Variants in COL25A1 observed in about 807,000 individuals in gnomAD.
The protein encoded by COL25A1 is collagen alpha-1(XXV) chain.
In COL25A1, 103 loss-of-function variants were observed where a neutral mutation model predicts 128.4. The ratio of observed to expected loss-of-function variants is 0.80; its 90% CI spans 0.68 to 0.94. COL25A1 has a LOEUF of 0.94. Ranked by LOEUF, COL25A1 falls within the 40% of genes least tolerant of loss-of-function variation. The pLI is 0.00. For synonymous variants in COL25A1, 279 were observed against 277.2 expected, an observed-to-expected ratio of 1.01 and a Z score of -0.06; for missense variants, 745 against 840.0, an observed-to-expected ratio of 0.89 and a Z score of 1.40.
intron 3 of COL25A1, among the ~76,000 whole-genome samples, chr4:109,110,952 A>G (rs1195064646): frequency 6.6e-6 from 1 of 152,166 alleles, no homozygotes; most frequent in Non-Finnish European, 1.5e-5. Flanking sequence ...ATTTTCCTCC[A>G]AAGAAGTTCC....
chr4:109,097,319 A>T lies in COL25A1; in HGVS notation c.368-47140T>A, dbSNP rs72885173. Reference sequence around the variant, plus strand: ...GAGCCATGTTAATTAAAATTATGTTATCTGGCCGAGTATGGTGGCCTGTGC... The same window carrying T: ...GAGCCATGTTAATTAAAATTATGTTTTCTGGCCGAGTATGGTGGCCTGTGC... On this transcript the variant is annotated intron_variant, in intron 3 of 37. Transcript: ENST00000399132. Among the ~76,000 whole-genome samples, 524 of 151,922 alleles carry T rather than the reference A, an allele frequency of 3.4e-3. 3 individuals carry two copies. Among genetic ancestry groups the T allele is most frequent in the African/African-American group, 0.012 (501 of 41,416 alleles).
chr4:109,015,931 T>G (rs1757166566), intron 5 of COL25A1, among the ~76,000 whole-genome samples: 1 of 152,230 alleles, frequency 6.6e-6, no homozygotes, highest in Non-Finnish European at 1.5e-5. Context: ...AGATGCTGGC[T>G]GCAGCAGAGG....
intron 8 of COL25A1, among the ~76,000 whole-genome samples, chr4:108,961,785 T>C (rs1750741598): frequency 6.6e-6 from 1 of 152,182 alleles, no homozygotes; most frequent in Admixed American, 6.6e-5. Flanking sequence ...AAGGTCAAGA[T>C]TTTGGCAAGA....
chr4:109,154,377 G>A (rs1435556067), intron 3 of COL25A1, among the ~76,000 whole-genome samples: 2 of 152,174 alleles, frequency 1.3e-5, no homozygotes. Context: ...GTCATTTCTT[G>A]AAGTCCTCTG....
In COL25A1 at chr4:108,836,513, A is replaced by G. The variant is rs559735061; in HGVS notation, c.1657-4080T>C. Among the ~76,000 whole-genome samples, 4 of 152,144 alleles carry G rather than the reference A, an allele frequency of 2.6e-5. No individual in the cohort carries two copies. In the South Asian group the frequency reaches 8.3e-4, roughly 32 times the overall value. ...TGAGTTAGAGATCAGCGTGGGAAAC[A>G]TGGCGAGACCCAATCTCTATAAAAT... On this transcript the variant is annotated intron_variant, in intron 31 of 37. Coordinates refer to ENST00000399132, the MANE Select transcript of COL25A1 (RefSeq NM_198721.4).
At chr4:109,187,169 G>A (rs1045777135) in intron 3 of COL25A1, among the ~76,000 whole-genome samples, 2 of 150,690 alleles carry the variant, frequency 1.3e-5, no homozygotes, top group South Asian at 2.1e-4. Context: ...ACACAGAGTC[G>A]TGTTTTGTGT....
chr4:109,000,770 A>C (rs1579041190), intron 6 of COL25A1, among the ~76,000 whole-genome samples: 2 of 26,678 alleles, frequency 7.5e-5, no homozygotes, highest in African/African-American at 8.3e-5. Flanking sequence ...AAAAAAAAAG[A>C]AAAAACTATA....
intron 3 of COL25A1, among the ~76,000 whole-genome samples, chr4:109,092,345 G>A (rs1236673385): frequency 1.3e-5 from 2 of 152,128 alleles, no homozygotes; most frequent in East Asian, 3.9e-4. Flanking sequence ...GCTGGGTGTG[G>A]TGGTGCGCAG....
Position 108,901,111 on chromosome 4 carries a change from G to A in COL25A1, c.834+8C>T. 6.2e-7 allele frequency: 1 copy of A among 1,606,382 alleles called. No homozygotes were observed. The highest frequency in any genetic ancestry group is 8.5e-7 in the Non-Finnish European group (1 of 1,173,584). ...CAAATGATTCTGCTTGGCTTTATTT[G>A]TACTAACCTTAGGTCCTGGTATTCC... On this transcript the variant is annotated splice_region_variant and intron_variant, in intron 14 of 37. Transcript: ENST00000399132.
At chr4:109,250,157 G>C (rs1780550600) in intron 3 of COL25A1, among the ~76,000 whole-genome samples, 1 of 151,968 alleles carries the variant, frequency 6.6e-6, no homozygotes, top group South Asian at 2.1e-4. Flanking sequence ...AACTTTCCAG[G>C]TCTGTTCACT....
chr4:108,896,656 C>T lies in COL25A1; in HGVS notation c.906+11G>A, dbSNP rs773081056. 1.5e-5 allele frequency: 24 copies of T among 1,613,242 alleles called. No individual in the cohort carries two copies. The highest frequency in any genetic ancestry group is 2.0e-5 in the Non-Finnish European group (24 of 1,179,414). ...CACATATGTACCCTTTCATGTCTTA[C>T]AAAACTGTACCTTTTCGCCTGTGTC... On this transcript the variant is annotated intron_variant, in intron 16 of 37. Transcript: ENST00000399132.
chr4:109,209,064 C>T lies in COL25A1; in HGVS notation c.367+91519G>A, dbSNP rs565787444. Among the ~76,000 whole-genome samples, 9 of 152,240 alleles carry T rather than the reference C, an allele frequency of 5.9e-5. No homozygotes were observed. In the South Asian group the frequency reaches 1.9e-3, roughly 32 times the overall value. ...CAAAGAATGTTATGTAGGGGCATTG[C>T]TTTTGCAGGTCCTCTTCCACTAGAT... is the stretch of plus-strand genomic sequence containing the variant. On this transcript the variant is annotated intron_variant, in intron 3 of 37. Transcript: ENST00000399132.
Position 109,072,769 on chromosome 4 carries a change from A to G in COL25A1, c.368-22590T>C, listed in dbSNP as rs139880106. Among the ~76,000 whole-genome samples the G allele has an allele frequency of 2.3e-3, 356 of 152,256 alleles. 1 individual carries two copies. Among genetic ancestry groups the G allele is most frequent in the African/African-American group, 7.8e-3 (323 of 41,534 alleles). On this transcript the variant is annotated intron_variant, in intron 3 of 37. Coordinates refer to ENST00000399132, the MANE Select transcript of COL25A1 (RefSeq NM_198721.4). ...TCCACTCTCACCAAGATGTCTTATTACTCAATCATAAATTTCGCAATCAGC... is the reference window on the plus strand; with the variant it reads ...TCCACTCTCACCAAGATGTCTTATTGCTCAATCATAAATTTCGCAATCAGC...
chr4:109,119,478 T>C (rs1202514733), intron 3 of COL25A1, among the ~76,000 whole-genome samples: 1 of 151,952 alleles, frequency 6.6e-6, no homozygotes, highest in Non-Finnish European at 1.5e-5. Flanking sequence ...ATAAAGGATA[T>C]GAGAGTAGGA....
intron 3 of COL25A1, among the ~76,000 whole-genome samples, chr4:109,257,983 C>T (rs1781185582): frequency 2.0e-5 from 3 of 152,178 alleles, no homozygotes; most frequent in Non-Finnish European, 4.4e-5. Flanking sequence ...CACTGACCAC[C>T]TGTTAGTGAT....
intron 3 of COL25A1, among the ~76,000 whole-genome samples, chr4:109,211,223 T>A (rs1038292019): frequency 3.6e-4 from 18 of 49,350 alleles, no homozygotes; most frequent in Admixed American, 6.4e-4. Context: ...ATATATATAT[T>A]GTGTGTGTGT....
chr4:109,277,771 C>T (rs979090106), intron 3 of COL25A1, among the ~76,000 whole-genome samples: 1 of 152,132 alleles, frequency 6.6e-6, no homozygotes, highest in Non-Finnish European at 1.5e-5. Flanking sequence ...CCAATTAATA[C>T]ATTTTATTAT....
intron 3 of COL25A1, among the ~76,000 whole-genome samples, chr4:109,197,430 AATAT>A (rs1776165328): frequency 1.6e-5 from 2 of 125,006 alleles, no homozygotes; most frequent in Admixed American, 1.0e-4. Flanking sequence ...ATTATATATA[AATAT>A]TATATATTAT....
intron 3 of COL25A1, among the ~76,000 whole-genome samples, chr4:109,079,117 GGTGTTAAATA>G (rs1467003161): frequency 6.6e-6 from 1 of 152,136 alleles, no homozygotes; most frequent in Non-Finnish European, 1.5e-5. Flanking sequence ...GTGAAAGAAT[GGTGTTAAATA>G]AGACAGATCA....
Sources: allele counts gnomAD v4.1 joint callset (sites outside exome capture counted in the v4.1 genomes callset), GRCh38; gene constraint gnomAD v4.1.1; transcripts MANE v1.5; gene names NCBI Gene and HGNC (gene_info 2026-07-23, HGNC 2026-07-21).